The following RPS6KC1 variants were observed in gnomAD, a reference collection of about 807,000 sequenced individuals.
RPS6KC1 encodes inactive ribosomal protein S6 kinase delta-1.
In RPS6KC1, 54 loss-of-function variants were observed where a neutral mutation model predicts 103.8. That is an observed-to-expected ratio of 0.52 (90% CI 0.42 to 0.65). RPS6KC1 has a LOEUF of 0.65. Ranked by LOEUF, RPS6KC1 falls within the 30% of genes least tolerant of loss-of-function variation. The pLI is 0.00. For synonymous variants in RPS6KC1, 439 were observed against 438.7 expected, an observed-to-expected ratio of 1.00 and a Z score of -0.01; for missense variants, 1,151 against 1,253.8, an observed-to-expected ratio of 0.92 and a Z score of 1.24.
the RPS6KC1 span, among the ~76,000 whole-genome samples, chr1:213,767,569 T>C: frequency 3.7e-3 from 567 of 151,866 alleles, 3 homozygotes; most frequent in Non-Finnish European, 6.2e-3. Flanking sequence ...TCTCTCTCTG[T>C]CAGTCGCTGG....
At chr1:213,712,593 T>C in the RPS6KC1 span, among the ~76,000 whole-genome samples, 2 of 152,346 alleles carry the variant, frequency 1.3e-5, no homozygotes, top group South Asian at 4.1e-4. Flanking sequence ...GCTTGGTGTC[T>C]GCCCAAATGG....
chr1:213,798,105 C>A, the RPS6KC1 span, among the ~76,000 whole-genome samples: 3 of 152,154 alleles, frequency 2.0e-5, no homozygotes, highest in Non-Finnish European at 4.4e-5. Context: ...TCGGGGAGAC[C>A]AGGCTGCAAC....
At chr1:213,677,643 G>A in the RPS6KC1 span, among the ~76,000 whole-genome samples, 6 of 152,128 alleles carry the variant, frequency 3.9e-5, no homozygotes, top group Non-Finnish European at 5.9e-5. Context: ...CATTGTATGT[G>A]GGGGGAGATG....
At position 213,118,021 on chromosome 1, in the gene RPS6KC1, C is replaced by CAAA. The variant is rs59318173; in HGVS notation, c.472+627_472+629dup. Reference sequence around the variant, plus strand: ...TGGACAACAAAGCAAGACTTTGTCTCAAAAAAAAAAAAAAAAAAGCCTTAC... The same window carrying CAAA: ...TGGACAACAAAGCAAGACTTTGTCTCAAAAAAAAAAAAAAAAAAAAAGCCTTAC... On this transcript the variant is annotated intron_variant, in intron 5 of 14. Transcript: ENST00000366960. Among the ~76,000 whole-genome samples the CAAA allele has an allele frequency of 8.8e-3, 302 of 34,188 alleles. 53 individuals are homozygous for CAAA. Among genetic ancestry groups the CAAA allele is most frequent in the Middle Eastern group, 0.014 (1 of 70 alleles). The allele number at this position is 34,188 out of a possible 152,430, so 22.4% of individuals were successfully genotyped here. A position where few individuals can be genotyped will look rare whatever the true frequency, so the allele number is the denominator to read the frequency against.
chr1:213,840,467 A>G, the RPS6KC1 span: 2 of 152,320 alleles, frequency 1.3e-5, no homozygotes, highest in South Asian at 4.1e-4. Context: ...TTATATTTAT[A>G]GTGCAGCAAA....
At chr1:213,328,867 T>C in the RPS6KC1 span, among the ~76,000 whole-genome samples, 6 of 152,096 alleles carry the variant, frequency 3.9e-5, no homozygotes, top group Non-Finnish European at 8.8e-5. Context: ...AACTGCTTTT[T>C]TTCTAGGAGC....
At chr1:213,628,238 G>C in the RPS6KC1 span, among the ~76,000 whole-genome samples, 1 of 152,298 alleles carries the variant, frequency 6.6e-6, no homozygotes, top group South Asian at 2.1e-4. Flanking sequence ...TCTGATGGTA[G>C]TTTGTATTTC....
intron 8 of RPS6KC1, among the ~76,000 whole-genome samples, chr1:213,225,311 T>A (rs1558577289): frequency 6.6e-6 from 1 of 152,188 alleles, no homozygotes. Context: ...GTGAACGTTG[T>A]CTAGTTGCAC....
the RPS6KC1 span, among the ~76,000 whole-genome samples, chr1:213,655,516 G>C: frequency 6.6e-6 from 1 of 152,278 alleles, no homozygotes; most frequent in African/African-American, 2.4e-5. Flanking sequence ...TGTGGAAAAG[G>C]ATATTCTAAA....
At chr1:213,215,073 C>T (rs2093623186) in intron 8 of RPS6KC1, among the ~76,000 whole-genome samples, 1 of 152,164 alleles carries the variant, frequency 6.6e-6, no homozygotes, top group Non-Finnish European at 1.5e-5. Context: ...GACTATCAAA[C>T]TACTCTGAGC....
At chr1:213,138,232 T>C (rs1056656453) in intron 6 of RPS6KC1, among the ~76,000 whole-genome samples, 4 of 152,204 alleles carry the variant, frequency 2.6e-5, no homozygotes, top group Non-Finnish European at 5.9e-5. Flanking sequence ...TATTCATTTA[T>C]GTACAGGCTT....
chr1:213,678,323 G>A, the RPS6KC1 span, among the ~76,000 whole-genome samples: 1 of 152,186 alleles, frequency 6.6e-6, no homozygotes, highest in African/African-American at 2.4e-5. Flanking sequence ...AACACAGCTG[G>A]CCCAAGGGCC....
the RPS6KC1 span, among the ~76,000 whole-genome samples, chr1:213,723,851 A>T: frequency 6.6e-6 from 1 of 152,102 alleles, no homozygotes; most frequent in Non-Finnish European, 1.5e-5. Context: ...AGAGAGAGAG[A>T]CAGTAAATGG....
At chr1:213,566,383 C>T in the RPS6KC1 span, among the ~76,000 whole-genome samples, 1 of 136,434 alleles carries the variant, frequency 7.3e-6, no homozygotes, top group Admixed American at 7.8e-5. Context: ...TTTTATTGCT[C>T]TCAGGTCTCA....
At chr1:213,496,656 G>T in the RPS6KC1 span, among the ~76,000 whole-genome samples, 1 of 152,124 alleles carries the variant, frequency 6.6e-6, no homozygotes, top group African/African-American at 2.4e-5. Flanking sequence ...TACTCGTGAG[G>T]CTGAGGTAGG....
chr1:213,335,973 G>A, the RPS6KC1 span, among the ~76,000 whole-genome samples: 1 of 152,072 alleles, frequency 6.6e-6, no homozygotes, highest in African/African-American at 2.4e-5. Flanking sequence ...AATTTTTTAG[G>A]AGACTCCAAT....
the RPS6KC1 span, among the ~76,000 whole-genome samples, chr1:213,588,748 T>C: frequency 2.6e-5 from 4 of 152,120 alleles, no homozygotes; most frequent in Non-Finnish European, 5.9e-5. Context: ...TAACGCTGTG[T>C]CTTCTCTTTC....
the RPS6KC1 span, among the ~76,000 whole-genome samples, chr1:213,720,106 C>T: frequency 2.6e-5 from 4 of 152,126 alleles, no homozygotes; most frequent in Non-Finnish European, 5.9e-5. Flanking sequence ...ATATGATCCT[C>T]AGGGTGGATC....
the RPS6KC1 span, among the ~76,000 whole-genome samples, chr1:213,627,246 T>G: frequency 6.6e-6 from 1 of 152,234 alleles, no homozygotes; most frequent in Non-Finnish European, 1.5e-5. Flanking sequence ...TGTATAAGAA[T>G]ACTTGTGATT....
Sources: gnomAD v4.1 joint callset for allele counts (sites outside exome capture counted in the v4.1 genomes callset) on GRCh38, gnomAD v4.1.1 for gene constraint, MANE v1.5 for transcripts, NCBI Gene and HGNC (gene_info 2026-07-23, HGNC 2026-07-21) for gene names.